KCNJ16: variants seen among roughly 807,000 people sequenced by gnomAD.
The protein encoded by KCNJ16 is inward rectifier potassium channel 16.
In KCNJ16, 15 loss-of-function variants were observed where a neutral mutation model predicts 18.5. The observed-to-expected ratio is 0.81, with a 90% confidence interval of 0.54 to 1.25. The LOEUF (loss-of-function observed/expected upper bound fraction) is 1.25. Among genes scored for constraint, KCNJ16 ranks in the 50% most tolerant of loss-of-function variants. KCNJ16 has a pLI of 0.00. For missense variants in KCNJ16, 523 were observed against 525.7 expected (o/e 0.99, Z 0.05); for synonymous variants, 174 against 186.5 (o/e 0.93, Z 0.55).
intron 2 of KCNJ16, among the ~76,000 whole-genome samples, chr17:70,109,813 A>G (rs1028964998): frequency 1.3e-5 from 2 of 152,098 alleles, no homozygotes; most frequent in African/African-American, 4.8e-5. Context: ...AAGATTTACT[A>G]TCTTCTCCCT....
rs73998749 is a variant in KCNJ16, at chr17:70,078,879, G to A, written c.-300+3489G>A. 1.8e-3 allele frequency among the ~76,000 whole-genome samples: 279 copies of A among 152,290 alleles called. 1 individual carries two copies. Among genetic ancestry groups the A allele is most frequent in the African/African-American group, 6.5e-3 (271 of 41,570 alleles). On this transcript the variant is annotated intron_variant, in intron 1 of 3. Coordinates refer to ENST00000392671, the MANE Select transcript of KCNJ16 (RefSeq NM_170741.4). ...TTGAGGCAGGTTAATATTGTCCTGC[G>A]TGTGCTTGTGGAATTCAGAACTTTT...
intron 1 of KCNJ16, among the ~76,000 whole-genome samples, chr17:70,097,286 T>C (rs11077476): frequency 0.83 from 126,905 of 152,112 alleles, 53,095 homozygotes; most frequent in East Asian, 0.96. Context: ...CCTGGGAAGT[T>C]TCTAGCAAAC....
chr17:70,094,964 A>G (rs2072287554), intron 1 of KCNJ16, among the ~76,000 whole-genome samples: 1 of 152,226 alleles, frequency 6.6e-6, no homozygotes, highest in South Asian at 2.1e-4. Flanking sequence ...GACAGATTCA[A>G]TTATAATTAA....
intron 3 of KCNJ16, 79 bp from the exon 4 acceptor site, chr17:70,131,916 C>G: frequency 7.8e-7 from 1 of 1,287,898 alleles, no homozygotes. Context: ...TGGTATGACA[C>G]TGCTCCAAAT....
chr17:70,120,013 C>T (rs1365306658), intron 2 of KCNJ16, among the ~76,000 whole-genome samples: 1 of 152,162 alleles, frequency 6.6e-6, no homozygotes, highest in Non-Finnish European at 1.5e-5. Flanking sequence ...TTGCTCTTGC[C>T]TCTGAACATA....
chr17:70,133,045 T>C lies in KCNJ16; in HGVS notation c.958T>C (p.Tyr320His). The C allele has an allele frequency of 6.2e-7, 1 of 1,614,082 alleles. No homozygotes were observed. The highest frequency in any genetic ancestry group is 8.5e-7 in the Non-Finnish European group (1 of 1,179,996). The stretch of plus-strand genomic sequence containing the variant: ...TGATGTCTTGGAAGTTAAGAGGAAG[T>C]ATTACAAAGTGAACTGCTTACAGTT... ...FNDVLEVKRKYYKVNCLQFEG... is the reference protein window; with the variant it reads ...FNDVLEVKRKHYKVNCLQFEG... Residue 320 changes from tyrosine to histidine, a missense_variant, in exon 4 of 4, where the codon TAT becomes CAT. Tyr to His is a moderately conservative substitution (Grantham distance 83, BLOSUM62 2). Coordinates refer to ENST00000392671, the MANE Select transcript of KCNJ16 (RefSeq NM_170741.4).
intron 2 of KCNJ16, among the ~76,000 whole-genome samples, chr17:70,110,161 C>T (rs1191606477): frequency 6.6e-6 from 1 of 152,148 alleles, no homozygotes; most frequent in African/African-American, 2.4e-5. Flanking sequence ...CCATCGTCAC[C>T]TGTTATGGTG....
chr17:70,095,764 T>C (rs901470223), intron 1 of KCNJ16, among the ~76,000 whole-genome samples: 3 of 151,546 alleles, frequency 2.0e-5, no homozygotes, highest in South Asian at 2.1e-4. Context: ...CCACTGGATA[T>C]CAAATGTGGT....
chr17:70,133,266 C>T lies in KCNJ16; in HGVS notation c.1179C>T (p.Ala393=). The change falls in exon 4 of 4, where the codon GCC becomes GCT. Residue 393 remains alanine, a synonymous_variant. Coordinates refer to ENST00000392671, the MANE Select transcript of KCNJ16 (RefSeq NM_170741.4). ...ACCCTGAGGAGACCACCACTTCCGC[C>T]ACACATGAATATAGGGAAACACCTT... The part of the protein sequence containing the change: ...CENPEETTTS[A]THEYRETPYQ... The T allele has an allele frequency of 6.2e-7, 1 of 1,614,114 alleles. No homozygotes were observed. The highest frequency in any genetic ancestry group is 8.5e-7 in the Non-Finnish European group (1 of 1,179,990).
chr17:70,081,175 T>C (rs2071536708), intron 1 of KCNJ16, among the ~76,000 whole-genome samples: 1 of 152,230 alleles, frequency 6.6e-6, no homozygotes, highest in Non-Finnish European at 1.5e-5. Flanking sequence ...ATGCTCTTTA[T>C]TTTGTAACTT....
At chr17:70,087,670 G>A (rs570806718) in intron 1 of KCNJ16, among the ~76,000 whole-genome samples, 1 of 152,172 alleles carries the variant, frequency 6.6e-6, no homozygotes, top group African/African-American at 2.4e-5. Context: ...TTGCACCACT[G>A]CACTCCAGCC....
chr17:70,126,561 G>C (rs556789897), intron 2 of KCNJ16, among the ~76,000 whole-genome samples: 2 of 152,286 alleles, frequency 1.3e-5, no homozygotes, highest in African/African-American at 4.8e-5. Context: ...CTTATTTCAT[G>C]AATTAGTACC....
rs1567803191 is a variant in KCNJ16 at position 70,123,888 on chromosome 17, T to C, written c.-190-6991T>C. Among the ~76,000 whole-genome samples, 2 of 152,176 alleles carry C rather than the reference T, an allele frequency of 1.3e-5. 1 individual carries two copies. The highest frequency in any genetic ancestry group is 4.2e-4 in the South Asian group (2 of 4,812). ...CTGGATGAAAGAGGCAATAAATGAG[T>C]TGAAAGGCTGTTATGTAAACCAGGT... On this transcript the variant is annotated intron_variant, in intron 2 of 3. Coordinates refer to ENST00000392671, the MANE Select transcript of KCNJ16 (RefSeq NM_170741.4).
chr17:70,075,340 C>T lies in KCNJ16; in HGVS notation c.-350C>T, dbSNP rs1161554457. ...ACTAAAGAGCATTCTCTACCATTGC[C>T]CAGCTGAAAGCACCTAGCTCATAGA... On this transcript the variant is annotated 5_prime_UTR_variant, in exon 1 of 4. Coordinates refer to ENST00000392671, the MANE Select transcript of KCNJ16 (RefSeq NM_170741.4). 1.3e-5 allele frequency: 2 copies of T among 152,048 alleles called. No individual in the cohort carries two copies. Among genetic ancestry groups the T allele is most frequent in the African/African-American group, 4.8e-5 (2 of 41,408 alleles). The allele number at this position is 152,048 out of a possible 1,614,324, so 9.4% of individuals were successfully genotyped here. A position where few individuals can be genotyped will look rare whatever the true frequency, so the allele number is the denominator to read the frequency against.
At chr17:70,102,070 T>C (rs138599430) in intron 2 of KCNJ16, 111 of 152,210 alleles carry the variant, frequency 7.3e-4, no homozygotes, top group African/African-American at 2.6e-3. Flanking sequence ...ACCTGATTAG[T>C]TGAAGCCAGT....
chr17:70,087,033 G>A (rs2071828724), intron 1 of KCNJ16, among the ~76,000 whole-genome samples: 1 of 150,958 alleles, frequency 6.6e-6, no homozygotes, highest in African/African-American at 2.4e-5. Context: ...CGAGTAGCTG[G>A]GATTACAGGC....
chr17:70,077,210 T>C (rs1709556886), intron 1 of KCNJ16, among the ~76,000 whole-genome samples: 1 of 152,180 alleles, frequency 6.6e-6, no homozygotes, highest in Non-Finnish European at 1.5e-5. Context: ...AGATGTGCCA[T>C]AATATTTACC....
At chr17:70,099,662 C>A (rs1028371906) in intron 1 of KCNJ16, among the ~76,000 whole-genome samples, 1 of 152,002 alleles carries the variant, frequency 6.6e-6, no homozygotes, top group African/African-American at 2.4e-5. Flanking sequence ...TTTCTCATGG[C>A]ATTTCTTCAC....
rs1055311152 is a variant in KCNJ16, at chr17:70,134,559, C to T, written c.*1215C>T. 3 of 166,930 alleles carry T rather than the reference C, an allele frequency of 1.8e-5. No individual in the cohort carries two copies. Among genetic ancestry groups the T allele is most frequent in the African/African-American group, 7.2e-5 (3 of 41,410 alleles). 10.3% of individuals were successfully genotyped at this position (166,930 alleles called of 1,614,324 possible). On this transcript the variant is annotated 3_prime_UTR_variant, in exon 4 of 4. Coordinates refer to ENST00000392671, the MANE Select transcript of KCNJ16 (RefSeq NM_170741.4). ...TTAGAACATGAGATAAAGTTGTATACTCTACTTTCATGTTAAAATGTTAAT... is the reference window on the plus strand; with the variant it reads ...TTAGAACATGAGATAAAGTTGTATATTCTACTTTCATGTTAAAATGTTAAT...
Sources: allele counts gnomAD v4.1 joint callset (sites outside exome capture counted in the v4.1 genomes callset), GRCh38; gene constraint gnomAD v4.1.1; transcripts MANE v1.5; gene names NCBI Gene and HGNC (gene_info 2026-07-23, HGNC 2026-07-21).